The following PSAP variants were observed in gnomAD, a reference collection of about 807,000 sequenced individuals.
PSAP encodes prosaposin.
In PSAP, 25 loss-of-function variants were observed where a neutral mutation model predicts 66.0. The observed-to-expected ratio is 0.38, with a 90% confidence interval of 0.28 to 0.53. PSAP has a LOEUF of 0.53. Ranked by LOEUF, PSAP falls within the 20% of genes least tolerant of loss-of-function variation. The pLI is 0.83. For missense variants in PSAP, 649 were observed against 668.8 expected, an observed-to-expected ratio of 0.97 and a Z score of 0.33; for synonymous variants, 273 against 258.9, an observed-to-expected ratio of 1.05 and a Z score of -0.52.
chr10:71,821,296 T>C (rs886463700), intron 8 of PSAP, among the ~76,000 whole-genome samples: 1 of 152,248 alleles, frequency 6.6e-6, no homozygotes, highest in Non-Finnish European at 1.5e-5. Context: ...AGAACTAGAA[T>C]GTAAGCCCCA....
At chr10:71,838,653 G>T (rs759542252) in intron 1 of PSAP, among the ~76,000 whole-genome samples, 1 of 152,168 alleles carries the variant, frequency 6.6e-6, no homozygotes, top group Non-Finnish European at 1.5e-5. Context: ...CTACCAAGGA[G>T]GCTGAGGTGG....
intron 1 of PSAP, among the ~76,000 whole-genome samples, chr10:71,836,004 C>T (rs1842620337): frequency 6.6e-6 from 1 of 152,098 alleles, no homozygotes. Flanking sequence ...GAATGAACTG[C>T]TTTCTTTCAT....
chr10:71,820,772 C>T (rs1286127178), intron 8 of PSAP, among the ~76,000 whole-genome samples: 1 of 152,186 alleles, frequency 6.6e-6, no homozygotes, highest in Admixed American at 6.5e-5. Context: ...CAGGTCTGCT[C>T]GTGTGTCTCC....
chr10:71,829,234 C>T (rs1033236733), intron 4 of PSAP, among the ~76,000 whole-genome samples, 157 bp from the exon 5 acceptor site: 2 of 152,170 alleles, frequency 1.3e-5, no homozygotes, highest in Admixed American at 1.3e-4. Context: ...CCAAGAATGA[C>T]AAAATTACCC....
chr10:71,819,150 G>T (rs891257257), intron 11 of PSAP, 39 bp from the exon 12 acceptor site: 1 of 1,566,532 alleles, frequency 6.4e-7, no homozygotes. Context: ...AGCTCTGGGG[G>T]TGTCCGAGCA....
chr10:71,831,218 C>A lies in PSAP; in HGVS notation c.283G>T (p.Asp95Tyr). 3.1e-6 allele frequency: 5 copies of A among 1,614,086 alleles called. No homozygotes were observed. In the South Asian group the frequency reaches 5.5e-5, roughly 18 times the overall value. The change falls in exon 4 of 14, where the codon GAC becomes TAC. Residue 95 changes from aspartate to tyrosine, a missense_variant. By Grantham distance (160) the Asp-to-Tyr change is radical. Transcript: ENST00000394936. ...EILVYLEKTC[D>Y]WLPKPNMSAS... ...GACATGTTCGGTTTCGGAAGCCAGT[C>A]ACAGGTCTTCTCCAAGTAAACAAGG...
At chr10:71,818,846 A>T in intron 12 of PSAP, 122 bp from the exon 13 acceptor site, 2 of 1,060,886 alleles carry the variant, frequency 1.9e-6, no homozygotes, top group East Asian at 2.4e-5. Flanking sequence ...ACGCTCTTTC[A>T]GAACATCAGG....
At position 71,819,600 on chromosome 10, in the gene PSAP, G is replaced by A. The variant is rs567165839; in HGVS notation, c.1215C>T (p.Asp405=). Residue 405 remains aspartate (D), a synonymous_variant, in exon 11 of 14, where the codon GAC becomes GAT. Transcript: ENST00000394936. ...ALTVHVTQPK[D]GGFCEVCKKL... is the part of the protein sequence containing the mutation. ...TCTTGCACACTTCGCAGAAGCCACC[G>A]TCCTTTGGCTGAGTCACGTGAACTA... is the stretch of plus-strand genomic sequence containing the variant. The A allele has an allele frequency of 4.6e-5, 74 of 1,614,168 alleles. No individual in the cohort carries two copies. Among genetic ancestry groups the A allele is most frequent in the South Asian group, 1.2e-4 (11 of 91,088 alleles).
intron 12 of PSAP, 38 bp from the exon 13 acceptor site, chr10:71,818,762 T>C (rs1842230665): frequency 6.6e-7 from 1 of 1,518,504 alleles, no homozygotes; most frequent in Non-Finnish European, 9.1e-7. Context: ...AGGGGGAGAA[T>C]GAGAGCTGCC....
chr10:71,816,544 G>A lies in PSAP; in HGVS notation c.*897C>T, dbSNP rs1330167760. The A allele has an allele frequency of 2.2e-5, 10 of 449,834 alleles. No homozygotes were observed. The Admixed American group carries it at 2.4e-4, about 11-fold the overall frequency. The allele number at this position is 449,834 out of a possible 1,614,324, so 27.9% of individuals were successfully genotyped here. A position where few individuals can be genotyped will look rare whatever the true frequency, so the allele number is the denominator to read the frequency against. On this transcript the variant is annotated 3_prime_UTR_variant, in exon 14 of 14. Coordinates refer to ENST00000394936, the MANE Select transcript of PSAP (RefSeq NM_002778.4). ...CCTCTACCAGGAAGCCAGAGGCCTA[G>A]GAGCTCGCCATCCATATTTATTTGA...
At position 71,817,337 on chromosome 10, in the gene PSAP, A is replaced by G. The variant is rs1270173426; in HGVS notation, c.*104T>C. ...GAAATGGGGGAGGTGGGGGAGCCCT[A>G]TTTTTATAACAAAGTCAAACAGATC... On this transcript the variant is annotated 3_prime_UTR_variant, in exon 14 of 14. Coordinates refer to ENST00000394936, the MANE Select transcript of PSAP (RefSeq NM_002778.4). 1 of 1,308,876 alleles carries G rather than the reference A, an allele frequency of 7.6e-7. No individual in the cohort carries two copies. Among genetic ancestry groups the G allele is most frequent in the Non-Finnish European group, 1.1e-6 (1 of 903,724 alleles). The allele number at this position is 1,308,876 out of a possible 1,614,324, so 81.1% of individuals were successfully genotyped here. A position where few individuals can be genotyped will look rare whatever the true frequency, so the allele number is the denominator to read the frequency against.
chr10:71,823,774 G>A (rs879189167), intron 7 of PSAP: 6 of 748,070 alleles, frequency 8.0e-6, no homozygotes, highest in Admixed American at 5.8e-5. Flanking sequence ...CCTGCCTCTC[G>A]TAACCATTCC....
chr10:71,818,147 C>A (rs1261353646), intron 13 of PSAP, among the ~76,000 whole-genome samples: 4 of 152,258 alleles, frequency 2.6e-5, no homozygotes, highest in Non-Finnish European at 1.5e-5. Context: ...GCTGCCAGGC[C>A]AGGCCAGGGC....
At chr10:71,847,370 A>C (rs186968002) in intron 1 of PSAP, among the ~76,000 whole-genome samples, 1 of 152,296 alleles carries the variant, frequency 6.6e-6, no homozygotes, top group East Asian at 1.9e-4. Flanking sequence ...ATTGTGGTTA[A>C]CCATAAGCCC....
rs771629672 is a variant in PSAP at position 71,819,637 on chromosome 10, A to C, written c.1193-15T>G. On this transcript the variant is annotated splice_polypyrimidine_tract_variant and intron_variant, in intron 10 of 13. Coordinates refer to ENST00000394936, the MANE Select transcript of PSAP (RefSeq NM_002778.4). ...AGTCACGTGAACTACATAAGAGGGCAGCGGGCTCAACGCTGGCAGGGCCCT... is the reference window on the plus strand; with the variant it reads ...AGTCACGTGAACTACATAAGAGGGCCGCGGGCTCAACGCTGGCAGGGCCCT... 1.4e-5 allele frequency: 23 copies of C among 1,614,032 alleles called. No individual in the cohort carries two copies. In the South Asian group the frequency reaches 2.0e-4, roughly 14 times the overall value.
chr10:71,824,721 T>C (rs766822661), intron 7 of PSAP, among the ~76,000 whole-genome samples: 33 of 152,372 alleles, frequency 2.2e-4, no homozygotes, highest in South Asian at 1.0e-3. Flanking sequence ...TATGAACCCG[T>C]TGATATATTC....
At chr10:71,830,868 A>C (rs1461460269) in intron 4 of PSAP, among the ~76,000 whole-genome samples, 1 of 152,206 alleles carries the variant, frequency 6.6e-6, no homozygotes, top group Non-Finnish European at 1.5e-5. Flanking sequence ...ACATCTCTGA[A>C]GGTTATGCCG....
At position 71,819,801 on chromosome 10, in the gene PSAP, G is replaced by A; in HGVS notation, c.1105C>T (p.Leu369=). Residue 369 remains leucine (L), a synonymous_variant, in exon 10 of 14, where the codon CTG becomes TTG. Transcript: ENST00000394936. ...EVVDTYGSSI[L]SILLEEVSPE... ...CTGACCTCCTCCAGCAGGATGGACA[G>A]GATGGAGCTGCCGTACGTGTCCACC... 6.2e-7 allele frequency: 1 copy of A among 1,613,918 alleles called. No homozygotes were observed. The highest frequency in any genetic ancestry group is 8.5e-7 in the Non-Finnish European group (1 of 1,179,924).
At chr10:71,823,349 T>C (rs971215583) in intron 7 of PSAP, among the ~76,000 whole-genome samples, 7 of 152,194 alleles carry the variant, frequency 4.6e-5, no homozygotes, top group African/African-American at 9.7e-5. Flanking sequence ...AATCAAGAGA[T>C]TGTTTCCAAT....
Sources: gnomAD v4.1 joint callset for allele counts (sites outside exome capture counted in the v4.1 genomes callset) on GRCh38, gnomAD v4.1.1 for gene constraint, MANE v1.5 for transcripts, NCBI Gene and HGNC (gene_info 2026-07-23, HGNC 2026-07-21) for gene names.